AMOTL1: variants seen among roughly 807,000 people sequenced by gnomAD.
AMOTL1 encodes the protein angiomotin-like protein 1.
Under a neutral mutation model 102.9 loss-of-function variants are expected in AMOTL1, and 45 were observed. That is an observed-to-expected ratio of 0.44 (90% confidence interval 0.34 to 0.56). The LOEUF is 0.56. Among genes scored for constraint, AMOTL1 ranks in the 20% least tolerant of loss-of-function variants. AMOTL1 has a pLI of 0.01. For synonymous variants in AMOTL1, 481 were observed against 484.7 expected, an observed-to-expected ratio of 0.99 and a Z score of 0.10; for missense variants, 1,114 against 1,225.6, an observed-to-expected ratio of 0.91 and a Z score of 1.36.
chr11:94,768,985 G>A (rs1443266761), intron 1 of AMOTL1, among the ~76,000 whole-genome samples: 2 of 152,088 alleles, frequency 1.3e-5, no homozygotes, highest in Non-Finnish European at 2.9e-5. Context: ...AAAGGCGCGC[G>A]CACCGGCCCG....
At chr11:94,840,248 C>T (rs568587951) in intron 6 of AMOTL1, among the ~76,000 whole-genome samples, 89 of 152,110 alleles carry the variant, frequency 5.9e-4, no homozygotes, top group Non-Finnish European at 9.7e-4. Context: ...ATTTTTAGTT[C>T]GTGAATTATA....
At chr11:94,785,566 C>G (rs1040894452) in intron 1 of AMOTL1, among the ~76,000 whole-genome samples, 5 of 152,152 alleles carry the variant, frequency 3.3e-5, no homozygotes, top group Non-Finnish European at 5.9e-5. Context: ...TTATGTAATT[C>G]ATTCATGAAC....
chr11:94,772,424 A>G (rs1469734251), intron 1 of AMOTL1, among the ~76,000 whole-genome samples: 2 of 152,194 alleles, frequency 1.3e-5, no homozygotes, highest in Non-Finnish European at 2.9e-5. Flanking sequence ...CCTGTTCACC[A>G]TATCTATAAT....
upstream of AMOTL1, among the ~76,000 whole-genome samples, chr11:94,767,480 C>T (rs546832866): frequency 8.6e-4 from 131 of 152,234 alleles, no homozygotes; most frequent in African/African-American, 3.1e-3. Flanking sequence ...AGGCAGGGAG[C>T]ACCAGATAAG....
At chr11:94,808,395 C>T (rs1951603735) in intron 3 of AMOTL1, among the ~76,000 whole-genome samples, 1 of 152,146 alleles carries the variant, frequency 6.6e-6, no homozygotes, top group Non-Finnish European at 1.5e-5. Flanking sequence ...TGCATTTTCT[C>T]TTTATGAATT....
intron 3 of AMOTL1, among the ~76,000 whole-genome samples, chr11:94,756,863 A>T (rs973959615): frequency 1.3e-5 from 2 of 152,196 alleles, no homozygotes; most frequent in Admixed American, 1.3e-4. Context: ...CTTGGCCAAT[A>T]CGTGGCATTG....
chr11:94,793,784 A>G (rs1377163379), intron 1 of AMOTL1, among the ~76,000 whole-genome samples: 2 of 152,252 alleles, frequency 1.3e-5, no homozygotes, highest in Non-Finnish European at 2.9e-5. Context: ...TGATCTTCAT[A>G]TAGTATCATC....
At chr11:94,800,426 G>A in intron 3 of AMOTL1, 115 bp downstream of exon 3, 2 of 1,204,006 alleles carry the variant, frequency 1.7e-6, no homozygotes, top group South Asian at 1.5e-5. Context: ...TTTTCCTTAT[G>A]CATGATATTT....
chr11:94,854,752 C>A (rs528095141), intron 8 of AMOTL1, among the ~76,000 whole-genome samples: 22 of 152,040 alleles, frequency 1.4e-4, no homozygotes, highest in Non-Finnish European at 2.5e-4. Context: ...ACAGTGAGAA[C>A]CCATGGAGGA....
intron 8 of AMOTL1, among the ~76,000 whole-genome samples, chr11:94,858,446 C>G (rs1689406116): frequency 1.3e-5 from 2 of 152,240 alleles, no homozygotes; most frequent in Non-Finnish European, 2.9e-5. Flanking sequence ...GGATTAGTTT[C>G]CGTCAGTACA....
intron 4 of AMOTL1, among the ~76,000 whole-genome samples, chr11:94,825,114 G>A (rs73518524): frequency 0.022 from 3,352 of 152,080 alleles, 124 homozygotes; most frequent in African/African-American, 0.077. Flanking sequence ...TTTTCCTCCC[G>A]GTTTCCCTGA....
chr11:94,756,197 C>A (rs1384719661), intron 3 of AMOTL1, among the ~76,000 whole-genome samples: 1 of 152,092 alleles, frequency 6.6e-6, no homozygotes, highest in Non-Finnish European at 1.5e-5. Flanking sequence ...TGTCTGTGCC[C>A]GCTAGGGTCT....
intron 3 of AMOTL1, among the ~76,000 whole-genome samples, chr11:94,818,236 T>C (rs774135064): frequency 2.0e-5 from 3 of 152,122 alleles, no homozygotes; most frequent in South Asian, 4.2e-4. Flanking sequence ...ATAAAACCCT[T>C]TGGGAAAGCT....
chr11:94,717,949 A>G (rs143803481), intron 1 of AMOTL1, among the ~76,000 whole-genome samples: 1,563 of 152,042 alleles, frequency 0.01, 34 homozygotes, highest in African/African-American at 0.035. Context: ...AAATTAAAAC[A>G]GTGAGAAAAC....
chr11:94,778,051 G>T (rs1272788911), intron 1 of AMOTL1, among the ~76,000 whole-genome samples: 17 of 152,170 alleles, frequency 1.1e-4, no homozygotes, highest in Admixed American at 1.1e-3. Context: ...AAAGACAAAT[G>T]AACTGGGTTC....
intron 1 of AMOTL1, among the ~76,000 whole-genome samples, chr11:94,719,178 T>TATTG (rs1368111137): frequency 6.6e-6 from 1 of 152,160 alleles, no homozygotes; most frequent in Non-Finnish European, 1.5e-5. Context: ...ACATCAATTC[T>TATTG]ATTGATTATT....
chr11:94,779,183 A>G (rs2847509), intron 1 of AMOTL1, among the ~76,000 whole-genome samples: 149,968 of 152,320 alleles, frequency 0.98, 73,868 homozygotes, highest in Middle Eastern at 1. Flanking sequence ...GTAGCCCACA[A>G]TAAGTCTTTA....
chr11:94,871,589 C>T lies in AMOTL1; in HGVS notation c.*794C>T, dbSNP rs1952997469. Reference sequence around the variant, plus strand: ...ATGAGACCAGTACCTGAACTGTCATCATTCCTACTGTGTTTGATAGTGACC... The same window carrying T: ...ATGAGACCAGTACCTGAACTGTCATTATTCCTACTGTGTTTGATAGTGACC... On this transcript the variant is annotated 3_prime_UTR_variant, in exon 13 of 13. Coordinates refer to ENST00000433060, the MANE Select transcript of AMOTL1 (RefSeq NM_130847.3). 1 of 152,160 alleles carries T rather than the reference C, an allele frequency of 6.6e-6. No homozygotes were observed. The highest frequency in any genetic ancestry group is 1.5e-5 in the Non-Finnish European group (1 of 68,042). 9.4% of individuals were successfully genotyped at this position (152,160 alleles called of 1,614,324 possible).
chr11:94,746,199 G>C (rs946781160), intron 3 of AMOTL1, among the ~76,000 whole-genome samples: 1 of 152,206 alleles, frequency 6.6e-6, no homozygotes, highest in African/African-American at 2.4e-5. Context: ...CTGTATTGAA[G>C]TGTCATGATG....
Sources: allele counts gnomAD v4.1 joint callset (sites outside exome capture counted in the v4.1 genomes callset), GRCh38; gene constraint gnomAD v4.1.1; transcripts MANE v1.5; gene names NCBI Gene and HGNC (gene_info 2026-07-23, HGNC 2026-07-21).